Variants in AK1 observed in about 807,000 individuals in gnomAD.
The protein encoded by AK1 is adenylate kinase 1.
In AK1, 13 loss-of-function variants were observed where a neutral mutation model predicts 23.9. The observed-to-expected ratio is 0.54, with a 90% CI of 0.35 to 0.86. The LOEUF is 0.86. Among genes scored for constraint, AK1 ranks in the 40% least tolerant of loss-of-function variants. The pLI is 0.01. For synonymous variants in AK1, 97 were observed against 102.8 expected (o/e 0.94, Z 0.34); for missense variants, 214 against 255.1 (o/e 0.84, Z 1.10).
chr9:127,878,139 T>A (rs1203397756), upstream of AK1, among the ~76,000 whole-genome samples: 1 of 152,166 alleles, frequency 6.6e-6, no homozygotes, highest in East Asian at 1.9e-4. Context: ...AAGCCCGCCC[T>A]CAGAGCCTGC....
At chr9:127,873,280 C>T in intron 2 of AK1, 1 of 1,532,530 alleles carries the variant, frequency 6.5e-7, no homozygotes, top group Non-Finnish European at 8.7e-7. Context: ...TCCAGGCAGC[C>T]AGACGGGCAG....
At position 127,868,650 on chromosome 9, in the gene AK1, T is replaced by A; in HGVS notation, c.325-138A>T. The A allele has an allele frequency of 1.0e-6, 1 of 974,872 alleles. No individual in the cohort carries two copies. The highest frequency in any genetic ancestry group is 1.5e-5 in the South Asian group (1 of 68,206). 60.4% of individuals were successfully genotyped at this position (974,872 alleles called of 1,614,324 possible). Reference sequence around the variant, plus strand: ...TTCCCCAAGGCAGCCTGAAAGACCTTCCTAAAACCAATCTTTCCTGCCACT... The same window carrying A: ...TTCCCCAAGGCAGCCTGAAAGACCTACCTAAAACCAATCTTTCCTGCCACT... On this transcript the variant is annotated intron_variant, in intron 5 of 6. Coordinates refer to ENST00000644144, the MANE Select transcript of AK1 (RefSeq NM_000476.3). The surrounding 1 kb of genome is among the most constrained non-coding windows in gnomAD (Gnocchi z 4.1).
At chr9:127,870,434 A>G (rs1588614438) in intron 5 of AK1, among the ~76,000 whole-genome samples, 1 of 152,168 alleles carries the variant, frequency 6.6e-6, no homozygotes, top group East Asian at 1.9e-4. Flanking sequence ...CCTGACCTCA[A>G]GTGATCTGCC....
intron 1 of AK1, among the ~76,000 whole-genome samples, chr9:127,875,181 C>T (rs182510016): frequency 9.7e-4 from 148 of 152,136 alleles, no homozygotes; most frequent in Middle Eastern, 3.4e-3. Context: ...CTACAGGAGC[C>T]GCTCGCATGA....
At position 127,877,109 on chromosome 9, in the gene AK1, G is replaced by A. The variant is rs987509932; in HGVS notation, c.-33+514C>T. Among the ~76,000 whole-genome samples, 10 of 152,168 alleles carry A rather than the reference G, an allele frequency of 6.6e-5. No individual in the cohort carries two copies. The highest frequency in any genetic ancestry group is 2.4e-4 in the African/African-American group (10 of 41,444). On this transcript the variant is annotated intron_variant, in intron 1 of 6. Transcript: ENST00000644144. This position sits in a 1 kb window ranked among gnomAD's most constrained non-coding sequence, Gnocchi z 5.2. ...TACCAGGCGGCCACTGAGCAGTGCT[G>A]TGGGAAGGCCCCAAGCGCTGGCCCT... is the stretch of plus-strand genomic sequence containing the variant.
chr9:127,868,004 G>T lies in AK1; in HGVS notation c.*4C>A. 1 of 1,614,150 alleles carries T rather than the reference G, an allele frequency of 6.2e-7. No individual in the cohort carries two copies. Among genetic ancestry groups the T allele is most frequent in the Non-Finnish European group, 8.5e-7 (1 of 1,179,968 alleles). On this transcript the variant is annotated 3_prime_UTR_variant, in exon 7 of 7. Transcript: ENST00000644144. This position sits in a 1 kb window ranked among gnomAD's most constrained non-coding sequence, Gnocchi z 4.1. Reference sequence around the variant, plus strand: ...TCTGAGCTGGGGAAGCGGCTCCAGCGTTGCTACTTTAGGGCGTCCAGGTGG... The same window carrying T: ...TCTGAGCTGGGGAAGCGGCTCCAGCTTTGCTACTTTAGGGCGTCCAGGTGG...
chr9:127,868,063 C>T lies in AK1; in HGVS notation c.530G>A (p.Gly177Asp), dbSNP rs201453879. The T allele has an allele frequency of 3.8e-4, 611 of 1,614,090 alleles. No homozygotes were observed. The highest frequency in any genetic ancestry group is 4.8e-4 in the Non-Finnish European group (562 of 1,179,984). Residue 177 changes from glycine (G) to aspartate (D), a missense_variant, in exon 7 of 7, where the codon GGC becomes GAC. By Grantham distance (94) the Gly-to-Asp change is moderately conservative. Coordinates refer to ENST00000644144, the MANE Select transcript of AK1 (RefSeq NM_000476.3). This position sits in a 1 kb window ranked among gnomAD's most constrained non-coding sequence, Gnocchi z 4.1. ...RGIVRKVNAE[G>D]SVDSVFSQVC... ...CTGGGAGAAGACACTGTCCACGGAGCCCTCAGCGTTGACCTGTGGGGAGAT... is the reference window on the plus strand; with the variant it reads ...CTGGGAGAAGACACTGTCCACGGAGTCCTCAGCGTTGACCTGTGGGGAGAT...
At chr9:127,873,673 C>T (rs770190970) in intron 2 of AK1, 172 of 1,367,070 alleles carry the variant, frequency 1.3e-4, no homozygotes, top group Non-Finnish European at 1.5e-4. Context: ...GCTGTTAGAT[C>T]CCAGCAAGGC....
chr9:127,877,211 C>G lies in AK1; in HGVS notation c.-33+412G>C, dbSNP rs1829560885. Among the ~76,000 whole-genome samples the G allele has an allele frequency of 6.6e-6, 1 of 152,260 alleles. No individual in the cohort carries two copies. The highest frequency in any genetic ancestry group is 2.1e-4 in the South Asian group (1 of 4,826). On this transcript the variant is annotated intron_variant, in intron 1 of 6. Coordinates refer to ENST00000644144, the MANE Select transcript of AK1 (RefSeq NM_000476.3). The surrounding 1 kb of genome is among the most constrained non-coding windows in gnomAD (Gnocchi z 5.2). ...ACCCAGCACTAGAAGTGGAGTGACA[C>G]GATAGCCCTACGGAGCACAGAGGCT...
chr9:127,876,063 T>A (rs1829531675), intron 1 of AK1, among the ~76,000 whole-genome samples: 1 of 152,206 alleles, frequency 6.6e-6, no homozygotes, highest in Admixed American at 6.5e-5. Context: ...CCCGGTGAGC[T>A]GACCTCTGCT....
chr9:127,874,688 C>T, intron 1 of AK1, 39 bp from the exon 2 acceptor site: 5 of 1,601,834 alleles, frequency 3.1e-6, no homozygotes, highest in Non-Finnish European at 3.4e-6. Context: ...GGATTTTCCT[C>T]CTCACCCTGA....
intron 5 of AK1, among the ~76,000 whole-genome samples, chr9:127,870,889 C>T (rs1313775287): frequency 6.6e-6 from 1 of 151,762 alleles, no homozygotes; most frequent in African/African-American, 2.4e-5. Context: ...TGGTTAGGCT[C>T]CCCCTAGCCC....
At chr9:127,875,459 G>A (rs1390447693) in intron 1 of AK1, among the ~76,000 whole-genome samples, 2 of 145,124 alleles carry the variant, frequency 1.4e-5, no homozygotes, top group Non-Finnish European at 3.0e-5. Context: ...TTCACTCCCA[G>A]CCACCAGCCC....
At position 127,874,041 on chromosome 9, in the gene AK1, G is replaced by GAGCAGC. The variant is rs759188373; in HGVS notation, c.7+564_7+569dup. 2.8e-3 allele frequency: 2,772 copies of GAGCAGC among 985,116 alleles called. 17 individuals carry two copies. Among genetic ancestry groups the GAGCAGC allele is most frequent in the African/African-American group, 0.019 (1,105 of 57,324 alleles). The allele number at this position is 985,116 out of a possible 1,614,324, so 61.0% of individuals were successfully genotyped here. Reference sequence around the variant, plus strand: ...GCTGTTGATATTTGGAGCTCAGGCAGAGCAGCAGCAGCAGCAGCAGCAGGC... The same window carrying GAGCAGC: ...GCTGTTGATATTTGGAGCTCAGGCAGAGCAGCAGCAGCAGCAGCAGCAGCAGCAGGC... On this transcript the variant is annotated intron_variant, in intron 2 of 6. Coordinates refer to ENST00000644144, the MANE Select transcript of AK1 (RefSeq NM_000476.3).
In AK1 at chr9:127,868,303, T is replaced by A; in HGVS notation, c.516+18A>T. Reference sequence around the variant, plus strand: ...AACCCGTTCTTCCCGGAGCTGCCCCTGGGCCCGCGGGGCCCACCTTGCGCA... The same window carrying A: ...AACCCGTTCTTCCCGGAGCTGCCCCAGGGCCCGCGGGGCCCACCTTGCGCA... On this transcript the variant is annotated intron_variant, in intron 6 of 6. Transcript: ENST00000644144. The surrounding 1 kb of genome is among the most constrained non-coding windows in gnomAD (Gnocchi z 4.1). 1 of 1,562,002 alleles carries A rather than the reference T, an allele frequency of 6.4e-7. No individual in the cohort carries two copies.
At chr9:127,876,903 C>T (rs1829552872) in intron 1 of AK1, among the ~76,000 whole-genome samples, 1 of 152,232 alleles carries the variant, frequency 6.6e-6, no homozygotes, top group South Asian at 2.1e-4. Context: ...GGGACGGTGA[C>T]TTAACCCCAA....
upstream of AK1, among the ~76,000 whole-genome samples, chr9:127,879,066 AAC>A (rs35534101): frequency 0.51 from 74,647 of 145,732 alleles, 19,917 homozygotes; most frequent in East Asian, 0.76. Flanking sequence ...CTAAAAATAA[AAC>A]ACACACACAC....
upstream of AK1, chr9:127,878,369 C>T (rs2131421019): frequency 6.6e-6 from 1 of 152,394 alleles, no homozygotes; most frequent in South Asian, 2.1e-4. Flanking sequence ...AAGAATAGCT[C>T]CCATAATGAG....
Position 127,867,933 on chromosome 9 carries a change from C to A in AK1, c.*75G>T. 1 of 1,464,188 alleles carries A rather than the reference C, an allele frequency of 6.8e-7. No individual in the cohort carries two copies. 90.7% of individuals were successfully genotyped at this position (1,464,188 alleles called of 1,614,324 possible). On this transcript the variant is annotated 3_prime_UTR_variant, in exon 7 of 7. Transcript: ENST00000644144. ...TCAGCAGGGCAGGGTGGAGGCGCTGCGCTCAGGCCAGGAGGACCTCGAATC... is the reference window on the plus strand; with the variant it reads ...TCAGCAGGGCAGGGTGGAGGCGCTGAGCTCAGGCCAGGAGGACCTCGAATC...
Sources: allele counts gnomAD v4.1 joint callset (sites outside exome capture counted in the v4.1 genomes callset), GRCh38; gene constraint gnomAD v4.1.1; non-coding constraint Gnocchi (gnomAD v3.1); transcripts MANE v1.5; gene names NCBI Gene and HGNC (gene_info 2026-07-23, HGNC 2026-07-21).